The following MRPS26 variants were observed in gnomAD, a reference collection of about 807,000 sequenced individuals.
MRPS26 encodes the protein small ribosomal subunit protein mS26.
Under a neutral mutation model 22.7 loss-of-function variants are expected in MRPS26, and 26 were observed. That is an observed-to-expected ratio of 1.15 (90% CI 0.84 to 1.59). The LOEUF (loss-of-function observed/expected upper bound fraction) is 1.59. Among genes scored for constraint, MRPS26 ranks in the 40% most tolerant of loss-of-function variants. MRPS26 has a pLI of 0.00. For missense variants in MRPS26, 291 were observed against 287.7 expected, an observed-to-expected ratio of 1.01 and a Z score of -0.08; for synonymous variants, 120 against 124.0, an observed-to-expected ratio of 0.97 and a Z score of 0.22.
intron 3 of MRPS26, 40 bp from the exon 4 acceptor site, chr20:3,047,695 C>T (rs753462935): frequency 1.2e-6 from 2 of 1,610,872 alleles, no homozygotes; most frequent in East Asian, 2.2e-5. Flanking sequence ...CTGGCATGTG[C>T]CCAAGGCTCC....
At position 3,046,386 on chromosome 20, in the gene MRPS26, T is replaced by C. The variant is rs918938891; in HGVS notation, c.226T>C (p.Ser76Pro). 5.6e-6 allele frequency: 9 copies of C among 1,608,846 alleles called. No homozygotes were observed. In the African/African-American group the frequency reaches 1.2e-4, roughly 22 times the overall value. ...TVRALRMEFV[S>P]EVQRKVHEAR... is the part of the protein sequence containing the mutation. Reference sequence around the variant, plus strand: ...GTCTGCACCCAGGATGGAGTTCGTGTCCGAGGTGCAGAGGAAGGTGCACGA... The same window carrying C: ...GTCTGCACCCAGGATGGAGTTCGTGCCCGAGGTGCAGAGGAAGGTGCACGA... Residue 76 changes from serine to proline, a missense_variant, in exon 2 of 4, where the codon TCC (serine) becomes CCC (proline). Physicochemically the swap from Ser to Pro is moderately conservative, Grantham distance 74. Coordinates refer to ENST00000380325, the MANE Select transcript of MRPS26 (RefSeq NM_030811.4).
chr20:3,046,548 G>C, intron 2 of MRPS26, 29 bp downstream of exon 2: 1 of 1,511,628 alleles, frequency 6.6e-7, no homozygotes, highest in South Asian at 1.3e-5. Flanking sequence ...GGGGCGGGGC[G>C]GCGCGGCCTG....
At chr20:3,046,923 G>A (rs1407248866) in intron 3 of MRPS26, among the ~76,000 whole-genome samples, 186 bp downstream of exon 3, 1 of 152,236 alleles carries the variant, frequency 6.6e-6, no homozygotes, top group Non-Finnish European at 1.5e-5. Flanking sequence ...ATTGGACAGT[G>A]TTCAGGTACC....
At position 3,048,070 on chromosome 20, in the gene MRPS26, G is replaced by C. The variant is rs913048780; in HGVS notation, c.*201G>C. 1 of 550,900 alleles carries C rather than the reference G, an allele frequency of 1.8e-6. No homozygotes were observed. Among genetic ancestry groups the C allele is most frequent in the Non-Finnish European group, 3.0e-6 (1 of 331,812 alleles). The allele number at this position is 550,900 out of a possible 1,614,324, so 34.1% of individuals were successfully genotyped here. A position where few individuals can be genotyped will look rare whatever the true frequency, so the allele number is the denominator to read the frequency against. On this transcript the variant is annotated 3_prime_UTR_variant, in exon 4 of 4. Coordinates refer to ENST00000380325, the MANE Select transcript of MRPS26 (RefSeq NM_030811.4). This position sits in a 1 kb window ranked among gnomAD's most constrained non-coding sequence, Gnocchi z 4.1. ...GTGCCCTGTTCTGCCGGTGTGTACA[G>C]CCTCAGCGCACCAGGAGACCCTAGA...
At position 3,046,401 on chromosome 20, in the gene MRPS26, A is replaced by C; in HGVS notation, c.241A>C (p.Lys81Gln). ...GGAGTTCGTGTCCGAGGTGCAGAGG[A>C]AGGTGCACGAGGCCCGAGCCGGGGT... ...RMEFVSEVQRKVHEARAGVLA... is the reference protein window; with the variant it reads ...RMEFVSEVQRQVHEARAGVLA... The change falls in exon 2 of 4, where the codon AAG becomes CAG. Residue 81 changes from lysine to glutamine, a missense_variant. By Grantham distance (53) the Lys-to-Gln change is moderately conservative (BLOSUM62 1). Coordinates refer to ENST00000380325, the MANE Select transcript of MRPS26 (RefSeq NM_030811.4). 1 of 1,608,290 alleles carries C rather than the reference A, an allele frequency of 6.2e-7. No individual in the cohort carries two copies. Among genetic ancestry groups the C allele is most frequent in the African/African-American group, 1.3e-5 (1 of 74,886 alleles).
chr20:3,046,585 G>A (rs750005216), intron 2 of MRPS26, 29 bp from the exon 3 acceptor site: 1 of 1,531,680 alleles, frequency 6.5e-7, no homozygotes, highest in South Asian at 1.2e-5. Context: ...CCCGGGCCCC[G>A]CTCAGCCTCG....
Position 3,047,820 on chromosome 20 carries a change from C to T in MRPS26, c.569C>T (p.Ala190Val). ...ALDSRKNYNWAITREGLVVRP... is the reference protein window; with the variant it reads ...ALDSRKNYNWVITREGLVVRP... ...GACTCCCGGAAGAACTACAACTGGG[C>T]CATCACCAGAGAGGGGCTGGTGGTC... The change falls in exon 4 of 4, where the codon GCC becomes GTC. Residue 190 changes from alanine (A) to valine (V), a missense_variant. Ala to Val is a moderately conservative substitution (Grantham distance 64, BLOSUM62 0). Coordinates refer to ENST00000380325, the MANE Select transcript of MRPS26 (RefSeq NM_030811.4). 6 of 1,613,484 alleles carry T rather than the reference C, an allele frequency of 3.7e-6. No homozygotes were observed. The highest frequency in any genetic ancestry group is 5.1e-6 in the Non-Finnish European group (6 of 1,179,754).
Position 3,046,436 on chromosome 20 carries a change from G to C in MRPS26, c.276G>C (p.Glu92Asp). Residue 92 changes from glutamate to aspartate, a missense_variant, in exon 2 of 4, where the codon GAG becomes GAC. By Grantham distance (45) the Glu-to-Asp change is conservative. Transcript: ENST00000380325. ...VHEARAGVLA[E>D]RKALKDAAEH... Reference sequence around the variant, plus strand: ...AGGCCCGAGCCGGGGTTCTGGCGGAGCGCAAGGCCCTGAAGGACGCCGCCG... The same window carrying C: ...AGGCCCGAGCCGGGGTTCTGGCGGACCGCAAGGCCCTGAAGGACGCCGCCG... 1.2e-6 allele frequency: 2 copies of C among 1,604,178 alleles called. No homozygotes were observed. The highest frequency in any genetic ancestry group is 1.7e-4 in the Middle Eastern group (1 of 6,014).
intron 3 of MRPS26, among the ~76,000 whole-genome samples, chr20:3,047,206 G>A (rs905536919): frequency 6.6e-5 from 10 of 152,004 alleles, no homozygotes; most frequent in African/African-American, 2.4e-4. Context: ...TTCGAGTCCA[G>A]CCTGGCCAAG....
Position 3,046,209 on chromosome 20 carries a change from G to A in MRPS26, c.141G>A (p.Ala47=), listed in dbSNP as rs756380067. ...SKIERVNMPP[A]VDPAEFFVLM... ...TCGAGCGAGTGAACATGCCGCCCGC[G>A]GTGGACCCTGCGGAGTTCTTCGTGC... Residue 47 remains alanine, a synonymous_variant, in exon 1 of 4, where the codon GCG becomes GCA. Transcript: ENST00000380325. 2 of 1,603,216 alleles carry A rather than the reference G, an allele frequency of 1.2e-6. No individual in the cohort carries two copies. Among genetic ancestry groups the A allele is most frequent in the South Asian group, 1.1e-5 (1 of 91,072 alleles).
At chr20:3,046,863 TGGAGA>T (rs1316030005) in intron 3 of MRPS26, 126 bp downstream of exon 3, 2 of 1,426,418 alleles carry the variant, frequency 1.4e-6, no homozygotes, top group African/African-American at 1.4e-5. Context: ...GGTCCGGATT[TGGAGA>T]GGAGAGTGCC....
At chr20:3,046,352 T>A (rs754037948) in intron 1 of MRPS26, 21 bp from the exon 2 acceptor site, 1 of 1,607,932 alleles carries the variant, frequency 6.2e-7, no homozygotes, top group South Asian at 1.1e-5. Flanking sequence ...GGGTGCTGAT[T>A]CCTGGCGCGT....
Position 3,046,296 on chromosome 20 carries a change from G to T in MRPS26, c.212+16G>T. On this transcript the variant is annotated intron_variant, in intron 1 of 3. Coordinates refer to ENST00000380325, the MANE Select transcript of MRPS26 (RefSeq NM_030811.4). The stretch of plus-strand genomic sequence containing the variant: ...GCGCCCTCAGGTGTGCGGCCGGGGG[G>T]AGGTGGCCGCCCGCGCGCGCTGGTG... 1 of 1,604,978 alleles carries T rather than the reference G, an allele frequency of 6.2e-7. No individual in the cohort carries two copies. Among genetic ancestry groups the T allele is most frequent in the Non-Finnish European group, 8.5e-7 (1 of 1,177,702 alleles).
rs2065996988 is a variant in MRPS26 at position 3,047,976 on chromosome 20, G to GC, written c.*109dup. 8 of 1,351,046 alleles carry GC rather than the reference G, an allele frequency of 5.9e-6. No individual in the cohort carries two copies. The highest frequency in any genetic ancestry group is 6.9e-6 in the Non-Finnish European group (7 of 1,017,530). 83.7% of individuals were successfully genotyped at this position (1,351,046 alleles called of 1,614,324 possible). On this transcript the variant is annotated 3_prime_UTR_variant, in exon 4 of 4. Transcript: ENST00000380325. ...TGGTGTTGCTTATGAGGAAGGTTCA[G>GC]CCTTATCCAGCACAGCCTTCACGTT...
Position 3,046,518 on chromosome 20 carries a change from CG to C in MRPS26, c.359+1del. On this transcript the variant is annotated frameshift_variant and splice_region_variant, in exon 2 of 4. Coordinates refer to ENST00000380325, the MANE Select transcript of MRPS26 (RefSeq NM_030811.4). LOFTEE classifies it high-confidence loss of function. ...GGAGAACCGGCGGCTGCACGAGCTGCGGTGCGTGGGGCGGGAGGCGGGGCGG... is the reference window on the plus strand; with the variant it reads ...GGAGAACCGGCGGCTGCACGAGCTGCGTGCGTGGGGCGGGAGGCGGGGCGG... Reference protein sequence around the residue: ...QAENRRLHELRIARLRQEERE... With the variant: ...QAENRRLHELXIARLRQEERE... 1 of 1,544,422 alleles carries C rather than the reference CG, an allele frequency of 6.5e-7. No individual in the cohort carries two copies. The highest frequency in any genetic ancestry group is 8.7e-7 in the Non-Finnish European group (1 of 1,150,454).
Position 3,046,134 on chromosome 20 carries a change from G to T in MRPS26, c.66G>T (p.Leu22=). The change falls in exon 1 of 4, where the codon CTG becomes CTT. Residue 22 remains leucine (L), a synonymous_variant. Coordinates refer to ENST00000380325, the MANE Select transcript of MRPS26 (RefSeq NM_030811.4). ...TPCRPRAPLV[L]PARGRKTRHD... Reference sequence around the variant, plus strand: ...GCAGGCCCCGGGCCCCTCTGGTGCTGCCAGCGCGCGGCCGCAAGACCCGCC... The same window carrying T: ...GCAGGCCCCGGGCCCCTCTGGTGCTTCCAGCGCGCGGCCGCAAGACCCGCC... 1 of 1,590,432 alleles carries T rather than the reference G, an allele frequency of 6.3e-7. No homozygotes were observed. Among genetic ancestry groups the T allele is most frequent in the Non-Finnish European group, 8.5e-7 (1 of 1,176,332 alleles).
In MRPS26 at chr20:3,047,759, C is replaced by G. The variant is rs1414314665; in HGVS notation, c.508C>G (p.Arg170Gly). 5 of 1,613,694 alleles carry G rather than the reference C, an allele frequency of 3.1e-6. No homozygotes were observed. Among genetic ancestry groups the G allele is most frequent in the Non-Finnish European group, 4.2e-6 (5 of 1,179,840 alleles). The change falls in exon 4 of 4, where the codon CGA becomes GGA. Residue 170 changes from arginine (R) to glycine (G), a missense_variant. Arg to Gly is a moderately radical substitution (Grantham distance 125, BLOSUM62 -2). Transcript: ENST00000380325. Reference sequence around the variant, plus strand: ...GGAAGAGGTGAAAAACTTCATCACCCGAGAGAACCTGGAGGCACGGGTGGA... The same window carrying G: ...GGAAGAGGTGAAAAACTTCATCACCGGAGAGAACCTGGAGGCACGGGTGGA... ...LQEEVKNFIT[R>G]ENLEARVEAA...
In MRPS26 at chr20:3,048,189, A is replaced by G. The variant is rs2065998061; in HGVS notation, c.*320A>G. On this transcript the variant is annotated 3_prime_UTR_variant, in exon 4 of 4. Transcript: ENST00000380325. This position sits in a 1 kb window ranked among gnomAD's most constrained non-coding sequence, Gnocchi z 4.1. ...CATTAAGAGTAGTGATGGGAAGATT[A>G]CAGTCTGAGGGCCAAACGTGCCTGC... The G allele has an allele frequency of 8.8e-6, 2 of 227,440 alleles. No homozygotes were observed. 14.1% of individuals were successfully genotyped at this position (227,440 alleles called of 1,614,324 possible). A position where few individuals can be genotyped will look rare whatever the true frequency, so the allele number is the denominator to read the frequency against.
rs1176096646 is a variant in MRPS26 at position 3,047,752 on chromosome 20, C to A, written c.501C>A (p.Phe167Leu). ...CCCGATAGGAAGAGGTGAAAAACTT[C>A]ATCACCCGAGAGAACCTGGAGGCAC... ...VLQLQEEVKN[F>L]ITRENLEARV... is the part of the protein sequence containing the mutation. Residue 167 changes from phenylalanine to leucine, a missense_variant, in exon 4 of 4, where the codon TTC (phenylalanine) becomes TTA (leucine). Coordinates refer to ENST00000380325, the MANE Select transcript of MRPS26 (RefSeq NM_030811.4). 1.9e-6 allele frequency: 3 copies of A among 1,613,600 alleles called. No homozygotes were observed. The Admixed American group carries it at 5.0e-5, about 27-fold the overall frequency.
Sources: allele counts gnomAD v4.1 joint callset (sites outside exome capture counted in the v4.1 genomes callset), GRCh38; gene constraint gnomAD v4.1.1; non-coding constraint Gnocchi (gnomAD v3.1); transcripts MANE v1.5; gene names NCBI Gene and HGNC (gene_info 2026-07-23, HGNC 2026-07-21).